The following LPGAT1 variants were observed in gnomAD, a reference collection of about 807,000 sequenced individuals.
LPGAT1 encodes the protein acyl-CoA:lysophosphatidylglycerol acyltransferase 1.
Under a neutral mutation model 47.5 loss-of-function variants are expected in LPGAT1, and 11 were observed. That is an observed-to-expected ratio of 0.23 (90% CI 0.15 to 0.38). LPGAT1 has a LOEUF of 0.38. Among genes scored for constraint, LPGAT1 ranks in the 10% least tolerant of loss-of-function variants. The pLI, the probability that LPGAT1 is intolerant of heterozygous loss-of-function variation, is 1.00. For missense variants in LPGAT1, 293 were observed against 439.0 expected, an observed-to-expected ratio of 0.67 and a Z score of 2.97; for synonymous variants, 138 against 144.2, an observed-to-expected ratio of 0.96 and a Z score of 0.31.
intron 2 of LPGAT1, among the ~76,000 whole-genome samples, chr1:211,813,530 A>C (rs1402765687): frequency 1.3e-5 from 2 of 152,234 alleles, no homozygotes; most frequent in Non-Finnish European, 2.9e-5. Flanking sequence ...TTATGTCGGT[A>C]CTTATGTAAC....
chr1:211,829,507 C>G, intron 1 of LPGAT1, 184 bp from the exon 2 acceptor site: 1 of 1,426,060 alleles, frequency 7.0e-7, no homozygotes, highest in Non-Finnish European at 9.1e-7. Flanking sequence ...GAGGAGGAGC[C>G]GCACAAGGTC....
intron 6 of LPGAT1, among the ~76,000 whole-genome samples, chr1:211,758,016 T>C (rs573759884): frequency 2.6e-5 from 4 of 152,312 alleles, no homozygotes; most frequent in Admixed American, 2.6e-4. Flanking sequence ...CATGTTTCCA[T>C]GGAAAAATGT....
In LPGAT1 at chr1:211,824,606, C is replaced by G. The variant is rs865918373; in HGVS notation, c.238+4453G>C. 1.1e-4 allele frequency among the ~76,000 whole-genome samples: 16 copies of G among 152,306 alleles called. 1 individual carries two copies. In the South Asian group the frequency reaches 2.3e-3, roughly 22 times the overall value. On this transcript the variant is annotated intron_variant, in intron 2 of 7. Transcript: ENST00000366997. ...TTCCAAAATCCCAGTGCTCTTTCCA[C>G]TAGAACAATGCCTCTCAAATGTTGA...
At chr1:211,756,342 A>G (rs1032117415) in intron 6 of LPGAT1, among the ~76,000 whole-genome samples, 2 of 152,192 alleles carry the variant, frequency 1.3e-5, no homozygotes, top group African/African-American at 2.4e-5. Flanking sequence ...TGAATTAAAG[A>G]ATGTCTTTTT....
At chr1:211,762,421 G>A (rs1657736842) in intron 6 of LPGAT1, among the ~76,000 whole-genome samples, 3 of 152,160 alleles carry the variant, frequency 2.0e-5, no homozygotes, top group Admixed American at 2.0e-4. Context: ...CTTCTCTTAG[G>A]AGACAGCCAG....
At chr1:211,779,635 G>T (rs542053461) in intron 5 of LPGAT1, among the ~76,000 whole-genome samples, 6 of 152,192 alleles carry the variant, frequency 3.9e-5, no homozygotes, top group African/African-American at 1.4e-4. Context: ...CGGATCACCT[G>T]AGGTCAGGAA....
intron 6 of LPGAT1, among the ~76,000 whole-genome samples, chr1:211,753,689 T>C (rs1200367393): frequency 6.6e-6 from 1 of 152,234 alleles, no homozygotes; most frequent in Non-Finnish European, 1.5e-5. Context: ...TTAGGAATTC[T>C]AGAAGCAGAC....
At chr1:211,757,515 G>A (rs1019134018) in intron 6 of LPGAT1, among the ~76,000 whole-genome samples, 3 of 152,188 alleles carry the variant, frequency 2.0e-5, no homozygotes, top group African/African-American at 7.2e-5. Flanking sequence ...GATCATTTAA[G>A]GTCAGCATTA....
At chr1:211,777,667 T>C (rs536726357) in intron 6 of LPGAT1, among the ~76,000 whole-genome samples, 2 of 152,186 alleles carry the variant, frequency 1.3e-5, no homozygotes, top group African/African-American at 2.4e-5. Context: ...CATAGCAAAA[T>C]TACCAATTTA....
At chr1:211,825,299 C>A (rs1442332552) in intron 2 of LPGAT1, among the ~76,000 whole-genome samples, 2 of 138,986 alleles carry the variant, frequency 1.4e-5, no homozygotes, top group Non-Finnish European at 3.0e-5. Context: ...TCATGTGATT[C>A]TCCCACCTTG....
chr1:211,774,344 G>A (rs942071446), intron 6 of LPGAT1, among the ~76,000 whole-genome samples: 9 of 151,592 alleles, frequency 5.9e-5, no homozygotes, highest in Admixed American at 3.9e-4. Context: ...CTTGAACTCC[G>A]GCCTCAAGTG....
chr1:211,800,191 T>C (rs1392187777), intron 2 of LPGAT1, among the ~76,000 whole-genome samples: 1 of 126,134 alleles, frequency 7.9e-6, no homozygotes, highest in Non-Finnish European at 1.9e-5. Context: ...TGTGTCCAGC[T>C]AATTTTTTTT....
At chr1:211,756,649 A>G (rs1657467608) in intron 6 of LPGAT1, among the ~76,000 whole-genome samples, 1 of 152,164 alleles carries the variant, frequency 6.6e-6, no homozygotes, top group African/African-American at 2.4e-5. Context: ...AAAAAGAAAA[A>G]ATATTGGAAA....
intron 2 of LPGAT1, among the ~76,000 whole-genome samples, chr1:211,820,529 T>A (rs1267167804): frequency 6.8e-5 from 8 of 117,248 alleles, no homozygotes; most frequent in African/African-American, 8.7e-5. Context: ...CATGAATTGG[T>A]AGAACTAAAC....
chr1:211,772,009 G>A (rs190753806), intron 6 of LPGAT1, among the ~76,000 whole-genome samples: 107 of 152,176 alleles, frequency 7.0e-4, no homozygotes, highest in African/African-American at 2.4e-3. Flanking sequence ...GGGCTCAAGC[G>A]ATCCTTCTGA....
rs1328592285 is a variant in LPGAT1 at position 211,749,840 on chromosome 1, C to T, written c.*59G>A. ...TCTGATTTGCACATGTAAAATAATG[C>T]ACACTTATGAAAGAAAGTCTGAACT... On this transcript the variant is annotated 3_prime_UTR_variant, in exon 8 of 8. Coordinates refer to ENST00000366997, the MANE Select transcript of LPGAT1 (RefSeq NM_014873.3). 1.3e-6 allele frequency: 2 copies of T among 1,535,330 alleles called. No homozygotes were observed. The highest frequency in any genetic ancestry group is 1.9e-5 in the Admixed American group (1 of 52,336).
intron 3 of LPGAT1, among the ~76,000 whole-genome samples, chr1:211,789,620 G>A (rs552529898): frequency 8.5e-5 from 13 of 152,222 alleles, no homozygotes; most frequent in African/African-American, 2.6e-4. Flanking sequence ...GATGGCTCAC[G>A]CCTATAATCC....
At chr1:211,790,982 CA>C (rs1018817562) in intron 3 of LPGAT1, among the ~76,000 whole-genome samples, 1 of 151,926 alleles carries the variant, frequency 6.6e-6, no homozygotes, top group Non-Finnish European at 1.5e-5. Context: ...TATAGAAAGC[CA>C]AATCAACTAG....
At chr1:211,764,336 C>A (rs1301471207) in intron 6 of LPGAT1, among the ~76,000 whole-genome samples, 2 of 152,118 alleles carry the variant, frequency 1.3e-5, no homozygotes, top group African/African-American at 2.4e-5. Context: ...GTGCCTAGTC[C>A]TTAGTAGGAA....
Sources: gnomAD v4.1 joint callset for allele counts (sites outside exome capture counted in the v4.1 genomes callset) on GRCh38, gnomAD v4.1.1 for gene constraint, MANE v1.5 for transcripts, NCBI Gene and HGNC (gene_info 2026-07-23, HGNC 2026-07-21) for gene names.